DAB1: variants seen among roughly 807,000 people sequenced by gnomAD.
DAB1 encodes disabled homolog 1.
A neutral mutation model predicts 64.6 loss-of-function variants in DAB1; 15 were observed. That is an observed-to-expected ratio of 0.23 (90% CI 0.16 to 0.36). DAB1 has a LOEUF of 0.36. Ranked by LOEUF, DAB1 falls within the 10% of genes least tolerant of loss-of-function variation. DAB1 has a pLI of 1.00. For synonymous variants in DAB1, 235 were observed against 251.9 expected, an observed-to-expected ratio of 0.93 and a Z score of 0.64; for missense variants, 596 against 706.7, an observed-to-expected ratio of 0.84 and a Z score of 1.78.
intron 5 of DAB1, among the ~76,000 whole-genome samples, chr1:58,104,506 T>C (rs539149056): frequency 6.6e-5 from 10 of 152,342 alleles, no homozygotes; most frequent in East Asian, 3.9e-4. Flanking sequence ...ATGGTAGGAA[T>C]ATACATGTGT....
At chr1:57,987,012 T>C (rs1233100763) in intron 5 of DAB1, among the ~76,000 whole-genome samples, 2 of 152,216 alleles carry the variant, frequency 1.3e-5, no homozygotes, top group South Asian at 2.1e-4. Context: ...GGGGTAGTGC[T>C]GAAAATGTCA....
In DAB1 at chr1:58,228,708, G is replaced by A. The variant is rs549403743; in HGVS notation, n.310-78120C>T. On this transcript the variant is annotated intron_variant and non_coding_transcript_variant, in intron 4 of 20. Coordinates refer to the DAB1 transcript ENST00000485760. ...TCAGTACCTCTTAGCCTTGCCCTGG[G>A]GTTCTTGGACCTTCTGGAAACTGAG... The A allele has an allele frequency of 3.6e-5, 41 of 1,138,584 alleles. 1 individual carries two copies. The African/African-American group carries it at 5.3e-4, about 15-fold the overall frequency. 70.5% of individuals were successfully genotyped at this position (1,138,584 alleles called of 1,614,324 possible).
chr1:58,219,713 A>T (rs894996495), intron 4 of DAB1, among the ~76,000 whole-genome samples: 4 of 152,220 alleles, frequency 2.6e-5, no homozygotes, highest in African/African-American at 9.6e-5. Flanking sequence ...GCACCTGCAC[A>T]CACACACCTG....
intron 5 of DAB1, among the ~76,000 whole-genome samples, chr1:58,126,607 C>G: frequency 6.9e-6 from 1 of 145,804 alleles, no homozygotes; most frequent in Non-Finnish European, 1.5e-5. Flanking sequence ...CCCTCCCCCC[C>G]TACCCCCCAC....
chr1:57,300,755 C>A (rs1000434524), intron 1 of DAB1, among the ~76,000 whole-genome samples: 1 of 152,154 alleles, frequency 6.6e-6, no homozygotes, highest in African/African-American at 2.4e-5. Flanking sequence ...CTCTACAATG[C>A]GTAAGATTAT....
intron 7 of DAB1, among the ~76,000 whole-genome samples, chr1:57,477,432 T>C (rs1287765587): frequency 1.3e-5 from 2 of 152,172 alleles, no homozygotes; most frequent in South Asian, 2.1e-4. Context: ...GTCCATTACA[T>C]TGATTTCATG....
At chr1:57,363,363 A>T (rs559775877) in intron 1 of DAB1, among the ~76,000 whole-genome samples, 42 of 152,260 alleles carry the variant, frequency 2.8e-4, no homozygotes, top group African/African-American at 9.6e-4. Flanking sequence ...GAGGCATGTG[A>T]GTGAGGGACA....
chr1:58,332,330 A>G (rs1662988392), intron 4 of DAB1, among the ~76,000 whole-genome samples: 1 of 151,976 alleles, frequency 6.6e-6, no homozygotes, highest in South Asian at 2.1e-4. Context: ...TTCTTGATAT[A>G]TATTTTTTCA....
Position 57,283,942 on chromosome 1 carries a change from T to C in DAB1, c.67+7022A>G, listed in dbSNP as rs181438157. ...TTAACTTCTTATAACCTTTTATATA[T>C]GTCAACTTCCAGAGAAGTTGTATAT... On this transcript the variant is annotated intron_variant, in intron 2 of 14. Transcript: ENST00000371236. Among the ~76,000 whole-genome samples, 10 of 152,350 alleles carry C rather than the reference T, an allele frequency of 6.6e-5. No homozygotes were observed. In the East Asian group the frequency reaches 1.7e-3, roughly 26 times the overall value.
chr1:57,025,218 G>A (rs1646746546), intron 10 of DAB1, among the ~76,000 whole-genome samples: 2 of 152,244 alleles, frequency 1.3e-5, no homozygotes, highest in Non-Finnish European at 2.9e-5. Context: ...CTTTGCAGTG[G>A]TGGCAGAATT....
chr1:57,158,126 C>CT (rs1163860661), intron 2 of DAB1, among the ~76,000 whole-genome samples: 3 of 152,148 alleles, frequency 2.0e-5, no homozygotes, highest in Non-Finnish European at 4.4e-5. Context: ...AGAATAGTTA[C>CT]TAGGACCATA....
At chr1:58,090,402 C>T (rs530548211) in intron 5 of DAB1, among the ~76,000 whole-genome samples, 41 of 152,214 alleles carry the variant, frequency 2.7e-4, no homozygotes, top group African/African-American at 8.7e-4. Context: ...GACTCTTGGT[C>T]GCAAGAACAC....
At chr1:58,196,615 G>A (rs1052512984) in intron 4 of DAB1, among the ~76,000 whole-genome samples, 2 of 152,266 alleles carry the variant, frequency 1.3e-5, no homozygotes, top group East Asian at 1.9e-4. Flanking sequence ...GGCTGGATAG[G>A]AGGCCTCAGG....
chr1:57,855,045 A>G (rs930501038), intron 1 of DAB1, among the ~76,000 whole-genome samples: 17 of 152,184 alleles, frequency 1.1e-4, no homozygotes, highest in African/African-American at 4.1e-4. Flanking sequence ...ACAGAAGGAC[A>G]GTGTATTTCA....
intron 5 of DAB1, among the ~76,000 whole-genome samples, chr1:58,067,520 G>C (rs1648930695): frequency 6.6e-6 from 1 of 152,102 alleles, no homozygotes; most frequent in Non-Finnish European, 1.5e-5. Context: ...ATCAGTAATT[G>C]GTATCTATAA....
chr1:57,583,660 A>T (rs1645342970), intron 7 of DAB1, among the ~76,000 whole-genome samples: 1 of 152,198 alleles, frequency 6.6e-6, no homozygotes, highest in African/African-American at 2.4e-5. Flanking sequence ...GATTCAGCTT[A>T]GCAGTGATGT....
At chr1:57,830,255 A>G (rs185287295) in intron 1 of DAB1, among the ~76,000 whole-genome samples, 35 of 152,342 alleles carry the variant, frequency 2.3e-4, no homozygotes, top group African/African-American at 8.2e-4. Flanking sequence ...CTGAATAACA[A>G]TGATAAAAAT....
At chr1:57,613,065 G>C (rs963201452) in intron 7 of DAB1, among the ~76,000 whole-genome samples, 2 of 152,140 alleles carry the variant, frequency 1.3e-5, no homozygotes, top group Admixed American at 1.3e-4. Flanking sequence ...GCATACATTT[G>C]TCAAATTGAA....
chr1:58,124,435 ATT>A (rs1557660474), intron 5 of DAB1, among the ~76,000 whole-genome samples: 1 of 152,124 alleles, frequency 6.6e-6, no homozygotes, highest in African/African-American at 2.4e-5. Flanking sequence ...TTCAGTAATG[ATT>A]TAGGGGCTGT....
Sources: allele counts gnomAD v4.1 joint callset (sites outside exome capture counted in the v4.1 genomes callset), GRCh38; gene constraint gnomAD v4.1.1; transcripts MANE v1.5; gene names NCBI Gene and HGNC (gene_info 2026-07-23, HGNC 2026-07-21).